Variants in TAX1BP1 observed in about 807,000 individuals in gnomAD.
The protein encoded by TAX1BP1 is Tax1 binding protein 1, also known as tax1-binding protein 1.
In TAX1BP1, 62 loss-of-function variants were observed where a neutral mutation model predicts 97.7. That is an observed-to-expected ratio of 0.63 (90% confidence interval 0.52 to 0.78). TAX1BP1 has a LOEUF of 0.78. Among genes scored for constraint, TAX1BP1 ranks in the 30% least tolerant of loss-of-function variants. The pLI is 0.00. For synonymous variants in TAX1BP1, 340 were observed against 304.2 expected, an observed-to-expected ratio of 1.12 and a Z score of -1.23; for missense variants, 867 against 916.1, an observed-to-expected ratio of 0.95 and a Z score of 0.69.
At chr7:27,804,423 T>C (rs184686730) in intron 13 of TAX1BP1, among the ~76,000 whole-genome samples, 16 of 152,354 alleles carry the variant, frequency 1.1e-4, no homozygotes, top group African/African-American at 3.8e-4. Flanking sequence ...CTGTGTGGTA[T>C]TGTTCCAGCA....
At chr7:27,810,952 A>G (rs769972357) in intron 13 of TAX1BP1, among the ~76,000 whole-genome samples, 7 of 151,996 alleles carry the variant, frequency 4.6e-5, no homozygotes, top group Non-Finnish European at 1.0e-4. Flanking sequence ...GTCTCTTCCT[A>G]GTATACAGTG....
chr7:27,789,179 A>G (rs753823542), intron 8 of TAX1BP1, among the ~76,000 whole-genome samples: 1 of 152,062 alleles, frequency 6.6e-6, no homozygotes, highest in Non-Finnish European at 1.5e-5. Flanking sequence ...ATGTTTCACT[A>G]AGGATGTATA....
At chr7:27,826,306 C>T (rs1791176061) in intron 15 of TAX1BP1, among the ~76,000 whole-genome samples, 1 of 152,188 alleles carries the variant, frequency 6.6e-6, no homozygotes, top group Non-Finnish European at 1.5e-5. Context: ...ATGGGACTCA[C>T]AGATAAACAG....
chr7:27,755,810 T>G (rs1788190839), intron 2 of TAX1BP1, among the ~76,000 whole-genome samples: 1 of 152,318 alleles, frequency 6.6e-6, no homozygotes, highest in East Asian at 1.9e-4. Flanking sequence ...ATTAACTGGT[T>G]AACTAGATTC....
At chr7:27,763,722 C>G (rs1325729955) in intron 3 of TAX1BP1, among the ~76,000 whole-genome samples, 1 of 151,002 alleles carries the variant, frequency 6.6e-6, no homozygotes, top group Admixed American at 6.6e-5. Context: ...AAGCTGAGAT[C>G]AGGCCACTGC....
intron 14 of TAX1BP1, 110 bp from the exon 15 acceptor site, chr7:27,816,780 T>A: frequency 7.3e-7 from 1 of 1,366,426 alleles, no homozygotes; most frequent in Non-Finnish European, 1.0e-6. Flanking sequence ...AAACATCTAT[T>A]TTTTTCACAT....
intron 15 of TAX1BP1, 141 bp downstream of exon 15, chr7:27,817,179 A>C: frequency 1.0e-6 from 1 of 1,003,514 alleles, no homozygotes. Context: ...GTGCCTGCAC[A>C]CAATTGCCTA....
At chr7:27,799,021 A>G in intron 12 of TAX1BP1, among the ~76,000 whole-genome samples, 2 of 152,108 alleles carry the variant, frequency 1.3e-5, no homozygotes, top group East Asian at 3.8e-4. Flanking sequence ...ATTTTGATAA[A>G]GTACAGTTTA....
intron 13 of TAX1BP1, among the ~76,000 whole-genome samples, chr7:27,806,088 GT>G (rs70974502): frequency 7.6e-4 from 108 of 142,612 alleles, no homozygotes; most frequent in African/African-American, 1.1e-3. Flanking sequence ...TAGAGTTTCA[GT>G]TTTTTTTTTT....
In TAX1BP1 at chr7:27,792,042, G is replaced by A; in HGVS notation, c.1075G>A (p.Ala359Thr). The A allele has an allele frequency of 6.2e-7, 1 of 1,614,090 alleles. No individual in the cohort carries two copies. The highest frequency in any genetic ancestry group is 8.5e-7 in the Non-Finnish European group (1 of 1,180,022). The change falls in exon 9 of 17, where the codon GCA becomes ACA. Residue 359 changes from alanine (A) to threonine (T), a missense_variant. Around this residue, in one of 3 missense-constraint regions of TAX1BP1, gnomAD observed 822 missense variants for 851.4 expected, o/e 0.97. Transcript: ENST00000396319. Reference protein sequence around the residue: ...TCFLKEQLRKAEEQVQATRQE... With the variant: ...TCFLKEQLRKTEEQVQATRQE... ...TTTTTTAAAGGAGCAACTTCGTAAA[G>A]CAGAGGAACAGGTTCAGGCAACTCG...
chr7:27,780,298 A>G (rs1287952864), intron 5 of TAX1BP1, among the ~76,000 whole-genome samples: 1 of 152,202 alleles, frequency 6.6e-6, no homozygotes, highest in Admixed American at 6.5e-5. Context: ...TTCAGTTATT[A>G]TTTTAGAAAA....
chr7:27,797,255 T>A (rs962148118), intron 12 of TAX1BP1, among the ~76,000 whole-genome samples: 9 of 151,986 alleles, frequency 5.9e-5, no homozygotes, highest in Non-Finnish European at 2.9e-5. Context: ...CCTCGGCCTG[T>A]CAAAGTGCTG....
At chr7:27,773,411 A>G (rs2128313362) in intron 5 of TAX1BP1, among the ~76,000 whole-genome samples, 1 of 152,220 alleles carries the variant, frequency 6.6e-6, no homozygotes, top group Non-Finnish European at 1.5e-5. Flanking sequence ...TCATCCCCAA[A>G]AGAAAGCTTT....
intron 5 of TAX1BP1, among the ~76,000 whole-genome samples, chr7:27,784,589 G>A (rs531544460): frequency 9.9e-5 from 15 of 152,210 alleles, no homozygotes; most frequent in Admixed American, 4.6e-4. Context: ...TTGATATGTC[G>A]TGACTAATTT....
chr7:27,798,436 G>A (rs1790015508), intron 12 of TAX1BP1, among the ~76,000 whole-genome samples: 1 of 151,982 alleles, frequency 6.6e-6, no homozygotes, highest in African/African-American at 2.4e-5. Flanking sequence ...GGCCGAGGTG[G>A]GAGCATCACT....
At chr7:27,740,094 C>T (rs1174787374), upstream of TAX1BP1, 2 of 152,236 alleles carry the variant, frequency 1.3e-5, no homozygotes, top group East Asian at 1.9e-4. Context: ...AGGCAGGAGG[C>T]GGAAGAGACC....
At chr7:27,828,157 A>C (rs2128328066) in intron 16 of TAX1BP1, among the ~76,000 whole-genome samples, 1 of 152,340 alleles carries the variant, frequency 6.6e-6, no homozygotes, top group East Asian at 1.9e-4. Flanking sequence ...GCTGGTTAAA[A>C]ATACAGTATT....
rs150831623 is a variant in TAX1BP1 at position 27,807,103 on chromosome 7, T to G, written c.1764+7013T>G. Among the ~76,000 whole-genome samples, 73 of 152,302 alleles carry G rather than the reference T, an allele frequency of 4.8e-4. 1 individual carries two copies. The East Asian group carries it at 0.013, about 27-fold the overall frequency. On this transcript the variant is annotated intron_variant, in intron 13 of 16. Transcript: ENST00000396319. ...AACTTTTTGTAGTTTTAAATTTTTA[T>G]GTAATTTCAAACTCAAGTTGAAAAA...
intron 4 of TAX1BP1, 106 bp downstream of exon 4, chr7:27,766,127 A>T: frequency 8.2e-7 from 1 of 1,219,044 alleles, no homozygotes; most frequent in Non-Finnish European, 1.1e-6. Flanking sequence ...TGCCACAAAA[A>T]TCGAATGCTT....
Sources: allele counts gnomAD v4.1 joint callset (sites outside exome capture counted in the v4.1 genomes callset), GRCh38; gene constraint gnomAD v4.1.1; regional missense constraint gnomAD v4.1.1; transcripts MANE v1.5; gene names NCBI Gene and HGNC (gene_info 2026-07-23, HGNC 2026-07-21).